The following COL26A1 variants were observed in gnomAD, a reference collection of about 807,000 sequenced individuals.
The protein encoded by COL26A1 is collagen alpha-1(XXVI) chain.
COL26A1 carries 41 observed loss-of-function variants against 59.3 expected under a neutral mutation model. The ratio of observed to expected loss-of-function variants is 0.69; its 90% CI spans 0.54 to 0.90. The LOEUF is 0.90. COL26A1 is among the 40% of genes least tolerant of loss of function. The pLI is 0.00. For synonymous variants in COL26A1, 266 were observed against 256.0 expected (o/e 1.04, Z -0.37); for missense variants, 612 against 602.3 (o/e 1.02, Z -0.17).
At chr7:101,382,570 C>T (rs1434470111) in intron 1 of COL26A1, among the ~76,000 whole-genome samples, 3 of 152,148 alleles carry the variant, frequency 2.0e-5, no homozygotes, top group Non-Finnish European at 2.9e-5. Context: ...ATTATTATAT[C>T]TTTATCATAT....
At chr7:101,537,019 G>A (rs1034600379) in intron 4 of COL26A1, among the ~76,000 whole-genome samples, 1 of 152,200 alleles carries the variant, frequency 6.6e-6, no homozygotes, top group African/African-American at 2.4e-5. Flanking sequence ...TGAGTACCTG[G>A]CCAAACAGAA....
chr7:101,390,543 T>C (rs1451300312), intron 1 of COL26A1, among the ~76,000 whole-genome samples: 1 of 152,110 alleles, frequency 6.6e-6, no homozygotes, highest in African/African-American at 2.4e-5. Context: ...CACCCACCTC[T>C]GCCTCCTGAG....
rs552272810 is a variant in COL26A1 at position 101,455,981 on chromosome 7, T to C, written c.385+8194T>C. On this transcript the variant is annotated intron_variant, in intron 3 of 12. Transcript: ENST00000313669. ...GATTACAGGCGCGAGCCACTGCACC[T>C]GGCCTGGTAAGTTTCCTTCTCACAT... Among the ~76,000 whole-genome samples the C allele has an allele frequency of 5.5e-4, 84 of 152,174 alleles. 1 individual carries two copies. The South Asian group carries it at 0.017, about 30-fold the overall frequency.
intron 3 of COL26A1, among the ~76,000 whole-genome samples, chr7:101,490,810 A>T (rs1461344060): frequency 6.6e-6 from 1 of 151,922 alleles, no homozygotes; most frequent in Non-Finnish European, 1.5e-5. Flanking sequence ...ACCAGCCTGG[A>T]CAACATGGTG....
intron 1 of COL26A1, among the ~76,000 whole-genome samples, chr7:101,386,258 T>C (rs1051938618): frequency 9.8e-6 from 1 of 102,138 alleles, no homozygotes; most frequent in South Asian, 2.8e-4. Flanking sequence ...TCCTAGCTTG[T>C]TTTTTTTTTT....
chr7:101,449,163 A>G (rs914908607), intron 3 of COL26A1, among the ~76,000 whole-genome samples: 4 of 152,176 alleles, frequency 2.6e-5, no homozygotes, highest in African/African-American at 9.7e-5. Flanking sequence ...GAGGAGCAGG[A>G]AGGACCTCCA....
chr7:101,364,191 C>T (rs1396756044), intron 1 of COL26A1, among the ~76,000 whole-genome samples: 1 of 152,056 alleles, frequency 6.6e-6, no homozygotes, highest in Non-Finnish European at 1.5e-5. Context: ...AAACCATAAG[C>T]ATGCAAGTAA....
chr7:101,540,500 T>C (rs1005630347), intron 5 of COL26A1, among the ~76,000 whole-genome samples: 4 of 148,012 alleles, frequency 2.7e-5, no homozygotes, highest in Non-Finnish European at 4.4e-5. Flanking sequence ...ATCACGCCAC[T>C]GCACTCCAGC....
chr7:101,459,330 C>T (rs1336234860), intron 3 of COL26A1, among the ~76,000 whole-genome samples: 1 of 151,948 alleles, frequency 6.6e-6, no homozygotes, highest in Admixed American at 6.6e-5. Context: ...GACGGAGTCT[C>T]GCTCTGTCAC....
chr7:101,499,090 G>T (rs964244413), intron 3 of COL26A1, among the ~76,000 whole-genome samples: 2 of 152,200 alleles, frequency 1.3e-5, no homozygotes, highest in African/African-American at 4.8e-5. Flanking sequence ...AGCCCATCCC[G>T]GGAAGGTCGG....
At chr7:101,398,385 G>T (rs540909701) in intron 1 of COL26A1, among the ~76,000 whole-genome samples, 48 of 152,282 alleles carry the variant, frequency 3.2e-4, no homozygotes, top group African/African-American at 6.3e-4. Context: ...ACAGCTCTGT[G>T]ATTCCCTCTC....
chr7:101,434,183 CT>C (rs1792856815), intron 2 of COL26A1, among the ~76,000 whole-genome samples: 3,347 of 110,758 alleles, frequency 0.03, 37 homozygotes, highest in Non-Finnish European at 0.037. Context: ...TCCTTCCTTC[CT>C]TCTCTCTCTC....
chr7:101,463,901 C>CTTTCTTTCTTTCT (rs1156868835), intron 3 of COL26A1, among the ~76,000 whole-genome samples: 8 of 34,210 alleles, frequency 2.3e-4, no homozygotes, highest in African/African-American at 9.6e-4. Context: ...TTCTTTCTTT[C>CTTTCTTTCTTTCT]TTTTTCTTTC....
Position 101,557,423 on chromosome 7 carries a change from A to G in COL26A1, c.1219A>G (p.Asn407Asp). ...GSGQDAALRA[N>D]LKMKRGGAQP... is the part of the protein sequence containing the mutation. ...TGGCCAGGATGCTGCCCTGAGAGCC[A>G]ACCTCAAGATGAAGAGGGGTGGCGC... Residue 407 changes from asparagine (N) to aspartate (D), a missense_variant, in exon 13 of 13, where the codon AAC becomes GAC. Coordinates refer to ENST00000313669, the MANE Select transcript of COL26A1 (RefSeq NM_001278563.3). The G allele has an allele frequency of 2.5e-6, 4 of 1,613,804 alleles. No individual in the cohort carries two copies. Among genetic ancestry groups the G allele is most frequent in the Non-Finnish European group, 2.5e-6 (3 of 1,179,752 alleles).
intron 2 of COL26A1, among the ~76,000 whole-genome samples, chr7:101,436,434 T>TG (rs1336888535): frequency 6.6e-6 from 1 of 151,892 alleles, no homozygotes; most frequent in Admixed American, 6.6e-5. Flanking sequence ...AGTGAGGAAG[T>TG]GGAGGCCAGG....
At chr7:101,519,398 A>G (rs118127977) in intron 3 of COL26A1, among the ~76,000 whole-genome samples, 2,264 of 152,262 alleles carry the variant, frequency 0.015, 25 homozygotes, top group South Asian at 0.026. Context: ...GCTGCCTCCA[A>G]CTTCTGGGCT....
chr7:101,456,169 T>TATATATATA (rs1554414262), intron 3 of COL26A1, among the ~76,000 whole-genome samples: 51 of 94,132 alleles, frequency 5.4e-4, no homozygotes, highest in Middle Eastern at 9.8e-3. Context: ...TATATATATA[T>TATATATATA]TTTTTTTTTA....
intron 1 of COL26A1, among the ~76,000 whole-genome samples, chr7:101,403,169 C>G (rs1562964137): frequency 1.3e-5 from 2 of 152,114 alleles, no homozygotes; most frequent in East Asian, 1.9e-4. Flanking sequence ...ATTCTCCATT[C>G]AAGTCCATAG....
At chr7:101,444,985 T>A (rs1055042288) in intron 2 of COL26A1, among the ~76,000 whole-genome samples, 15 of 151,654 alleles carry the variant, frequency 9.9e-5, no homozygotes, top group African/African-American at 3.6e-4. Context: ...GGACTACAGG[T>A]GCCTGCCATC....
Sources: gnomAD v4.1 joint callset for allele counts (sites outside exome capture counted in the v4.1 genomes callset) on GRCh38, gnomAD v4.1.1 for gene constraint, MANE v1.5 for transcripts, NCBI Gene and HGNC (gene_info 2026-07-23, HGNC 2026-07-21) for gene names.